Variants in METTL16 observed in about 807,000 individuals in gnomAD.
METTL16 encodes the protein methyltransferase 16, RNA N6-adenosine, also known as RNA N(6)-adenosine-methyltransferase METTL16.
A neutral mutation model predicts 57.9 loss-of-function variants in METTL16; 19 were observed. The observed-to-expected ratio is 0.33, with a 90% CI of 0.23 to 0.48. The LOEUF is 0.48. Among genes scored for constraint, METTL16 ranks in the 20% least tolerant of loss-of-function variants. The pLI is 0.99. For synonymous variants in METTL16, 246 were observed against 255.6 expected (o/e 0.96, Z 0.36); for missense variants, 434 against 691.5 (o/e 0.63, Z 4.18).
intron 2 of METTL16, among the ~76,000 whole-genome samples, chr17:2,495,076 A>G (rs1597470652): frequency 6.6e-6 from 1 of 151,836 alleles, no homozygotes; most frequent in African/African-American, 2.4e-5. Context: ...TTGGCCAGGC[A>G]TGGTGGCTCA....
intron 6 of METTL16, among the ~76,000 whole-genome samples, chr17:2,461,300 G>A (rs1200815924): frequency 6.6e-6 from 1 of 152,202 alleles, no homozygotes; most frequent in African/African-American, 2.4e-5. Context: ...GACAGAGGCT[G>A]CAGTGAGCCA....
intron 2 of METTL16, among the ~76,000 whole-genome samples, chr17:2,499,776 T>A (rs2067474020): frequency 6.6e-6 from 1 of 152,042 alleles, no homozygotes; most frequent in Non-Finnish European, 1.5e-5. Flanking sequence ...TTTTTTGAGA[T>A]AGAGTCTCAT....
rs184267301 is a variant in METTL16 at position 2,420,170 on chromosome 17, C to A, written c.1489G>T (p.Gly497Cys). The change falls in exon 10 of 10, where the codon GGC (glycine) becomes TGC (cysteine). Residue 497 changes from glycine (G) to cysteine (C), a missense_variant. By Grantham distance (159) the Gly-to-Cys change is radical (BLOSUM62 -3). Around this residue, in one of 5 missense-constraint regions of METTL16, gnomAD observed 168 missense variants for 149.6 expected, o/e 1.12. Coordinates refer to ENST00000263092, the MANE Select transcript of METTL16 (RefSeq NM_024086.4). The surrounding 1 kb of genome is among the most constrained non-coding windows in gnomAD (Gnocchi z 5.4). ...AQDQEASEQF[G>C]SPVAERGKRL... ...TTCCCCCTTTCAGCCACTGGGCTGC[C>A]GAACTGCTCAGAAGCCTCTTGGTCC... The A allele has an allele frequency of 6.2e-7, 1 of 1,614,224 alleles. No individual in the cohort carries two copies. The highest frequency in any genetic ancestry group is 1.3e-5 in the African/African-American group (1 of 75,066).
chr17:2,467,627 C>T (rs929613380), intron 5 of METTL16, 134 bp downstream of exon 5: 7 of 595,996 alleles, frequency 1.2e-5, no homozygotes, highest in Non-Finnish European at 1.8e-5. Context: ...GGAGTTTCAC[C>T]ATGTTGGCCA....
intron 6 of METTL16, among the ~76,000 whole-genome samples, chr17:2,446,878 C>G (rs964389880): frequency 6.6e-6 from 1 of 152,126 alleles, no homozygotes; most frequent in African/African-American, 2.4e-5. Context: ...CTCGTTCACT[C>G]AGTGCTCAGT....
intron 5 of METTL16, 118 bp downstream of exon 5, chr17:2,467,643 G>T: frequency 2.9e-6 from 2 of 682,196 alleles, no homozygotes; most frequent in Non-Finnish European, 5.2e-6. Context: ...GGCCAGGCTG[G>T]TCTCAAACTC....
intron 6 of METTL16, among the ~76,000 whole-genome samples, chr17:2,458,323 T>C (rs937436942): frequency 1.3e-5 from 2 of 151,962 alleles, no homozygotes; most frequent in African/African-American, 4.8e-5. Flanking sequence ...CTAAAATCAT[T>C]GCCATAAAGG....
chr17:2,440,209 A>T (rs1202558752), intron 7 of METTL16, among the ~76,000 whole-genome samples: 1 of 151,672 alleles, frequency 6.6e-6, no homozygotes, highest in Admixed American at 6.6e-5. Context: ...GCAAACTATG[A>T]CTGTGCAACC....
At chr17:2,499,327 A>G (rs1264961933) in intron 2 of METTL16, among the ~76,000 whole-genome samples, 6 of 146,508 alleles carry the variant, frequency 4.1e-5, no homozygotes, top group Non-Finnish European at 7.4e-5. Flanking sequence ...TGACAAAACT[A>G]TATCTTTTTT....
intron 2 of METTL16, among the ~76,000 whole-genome samples, chr17:2,495,602 G>GGGTTC (rs1567905747): frequency 1.3e-5 from 2 of 149,288 alleles, no homozygotes; most frequent in African/African-American, 2.5e-5. Context: ...GGCTGAGGCA[G>GGGTTC]AAGAATCCCT....
At position 2,441,541 on chromosome 17, in the gene METTL16, C is replaced by A; in HGVS notation, c.747G>T (p.Leu249=). 6.3e-7 allele frequency: 1 copy of A among 1,593,600 alleles called. No individual in the cohort carries two copies. The highest frequency in any genetic ancestry group is 8.6e-7 in the Non-Finnish European group (1 of 1,168,600). The change falls in exon 7 of 10, where the codon CTG becomes CTT. Residue 249 remains leucine, a synonymous_variant. Coordinates refer to ENST00000263092, the MANE Select transcript of METTL16 (RefSeq NM_024086.4). The stretch of plus-strand genomic sequence containing the variant: ...GAGGCGCCAGGCTGCATTTCTTTCC[C>A]AGCATGCAGCTATACCATCTAGGAA... ...KKRLRWYSCM[L]GKKCSLAPLK...
intron 8 of METTL16, 71 bp downstream of exon 8, chr17:2,438,038 A>G: frequency 9.2e-7 from 1 of 1,089,210 alleles, no homozygotes; most frequent in South Asian, 1.2e-5. Context: ...CTACCAATTC[A>G]GTTCACTTAT....
At chr17:2,431,693 T>A (rs1443777543) in intron 8 of METTL16, among the ~76,000 whole-genome samples, 1 of 152,156 alleles carries the variant, frequency 6.6e-6, no homozygotes, top group African/African-American at 2.4e-5. Flanking sequence ...CTAATGAGAT[T>A]TAACATCCTT....
Position 2,418,219 on chromosome 17 carries a change from C to T in METTL16, c.*1751G>A, listed in dbSNP as rs1018865173. 2 of 152,100 alleles carry T rather than the reference C, an allele frequency of 1.3e-5. No individual in the cohort carries two copies. The highest frequency in any genetic ancestry group is 2.9e-5 in the Non-Finnish European group (2 of 68,056). 9.4% of individuals were successfully genotyped at this position (152,100 alleles called of 1,614,324 possible). A position where few individuals can be genotyped will look rare whatever the true frequency, so the allele number is the denominator to read the frequency against. ...AAATACACACACACACACACACACACACACATGCTCACAGAGCTTTTAGAA... is the reference window on the plus strand; with the variant it reads ...AAATACACACACACACACACACACATACACATGCTCACAGAGCTTTTAGAA... On this transcript the variant is annotated 3_prime_UTR_variant, in exon 10 of 10. Coordinates refer to ENST00000263092, the MANE Select transcript of METTL16 (RefSeq NM_024086.4).
intron 6 of METTL16, among the ~76,000 whole-genome samples, chr17:2,460,656 C>T (rs1172660028): frequency 4.6e-5 from 7 of 152,086 alleles, no homozygotes; most frequent in Non-Finnish European, 4.4e-5. Context: ...GAGGCCAAGG[C>T]GGGTGGATCA....
At chr17:2,425,912 G>T (rs2066814683) in intron 8 of METTL16, among the ~76,000 whole-genome samples, 1 of 151,098 alleles carries the variant, frequency 6.6e-6, no homozygotes, top group Admixed American at 6.6e-5. Context: ...GTACAAATTT[G>T]AATCTTCACT....
chr17:2,438,133 A>C lies in METTL16; in HGVS notation c.864T>G (p.Ser288Arg). The change falls in exon 8 of 10, where the codon AGT becomes AGG. Residue 288 changes from serine to arginine, a missense_variant. Physicochemically the swap from Ser to Arg is moderately radical, Grantham distance 110. Around this residue, in one of 5 missense-constraint regions of METTL16, gnomAD observed 96 missense variants for 138.3 expected, o/e 0.69. Transcript: ENST00000263092. Reference protein sequence around the residue: ...GRTMRWALAWSFYDDVTVPSP... With the variant: ...GRTMRWALAWRFYDDVTVPSP... ...CTGGTACTGTGACATCATCATAAAA[A>C]CTCCAAGCTAAGGCCCATCTCATTG... 6.2e-7 allele frequency: 1 copy of C among 1,613,288 alleles called. No homozygotes were observed. The highest frequency in any genetic ancestry group is 8.5e-7 in the Non-Finnish European group (1 of 1,179,604).
At chr17:2,467,648 A>C (rs141860124) in intron 5 of METTL16, 113 bp downstream of exon 5, 2 of 721,188 alleles carry the variant, frequency 2.8e-6, no homozygotes, top group Non-Finnish European at 2.4e-6. Flanking sequence ...GGCTGGTCTC[A>C]AACTCCTGAC....
At chr17:2,443,619 T>C (rs2066970016) in intron 6 of METTL16, among the ~76,000 whole-genome samples, 2 of 151,872 alleles carry the variant, frequency 1.3e-5, no homozygotes, top group South Asian at 4.2e-4. Context: ...CCCGAGTAGC[T>C]GGGACTACAG....
Sources: gnomAD v4.1 joint callset for allele counts (sites outside exome capture counted in the v4.1 genomes callset) on GRCh38, gnomAD v4.1.1 for gene constraint, gnomAD v4.1.1 regional missense constraint, Gnocchi (gnomAD v3.1) non-coding constraint, MANE v1.5 for transcripts, NCBI Gene and HGNC (gene_info 2026-07-23, HGNC 2026-07-21) for gene names.